ZYG11B: variants seen among roughly 807,000 people sequenced by gnomAD.
ZYG11B encodes protein zyg-11 homolog B.
Under a neutral mutation model 82.4 loss-of-function variants are expected in ZYG11B, and 36 were observed. The ratio of observed to expected loss-of-function variants is 0.44; its 90% CI spans 0.33 to 0.58. The LOEUF (loss-of-function observed/expected upper bound fraction) is 0.58. ZYG11B is among the 20% of genes least tolerant of loss of function. ZYG11B has a pLI of 0.02. For synonymous variants in ZYG11B, 303 were observed against 312.8 expected (o/e 0.97, Z 0.33); for missense variants, 552 against 895.6 (o/e 0.62, Z 4.90).
intron 4 of ZYG11B, 72 bp downstream of exon 4, chr1:52,780,065 G>T: frequency 2.7e-6 from 4 of 1,491,104 alleles, no homozygotes; most frequent in Non-Finnish European, 3.6e-6. Flanking sequence ...GAAGAAAATT[G>T]GTGAAAATTT....
intron 5 of ZYG11B, among the ~76,000 whole-genome samples, chr1:52,787,797 T>C (rs1217972327): frequency 3.1e-5 from 3 of 96,892 alleles, no homozygotes; most frequent in Non-Finnish European, 5.5e-5. Flanking sequence ...AACAACTCAA[T>C]TAAAAAAAAA....
At chr1:52,728,433 C>A (rs1644302856) in intron 1 of ZYG11B, among the ~76,000 whole-genome samples, 1 of 152,174 alleles carries the variant, frequency 6.6e-6, no homozygotes, top group Non-Finnish European at 1.5e-5. Context: ...ATTTGTAAAA[C>A]TTTTTGTAGA....
At chr1:52,787,350 G>A (rs1644922000) in intron 5 of ZYG11B, among the ~76,000 whole-genome samples, 1 of 152,094 alleles carries the variant, frequency 6.6e-6, no homozygotes, top group African/African-American at 2.4e-5. Flanking sequence ...AAAACTATAC[G>A]ACACATTATT....
chr1:52,743,402 T>TAA (rs71044414), intron 1 of ZYG11B, among the ~76,000 whole-genome samples: 15,486 of 68,642 alleles, frequency 0.23, 1,579 homozygotes, highest in Middle Eastern at 0.28. Context: ...CAATAAATAC[T>TAA]AAAAAAAAAA....
chr1:52,806,978 C>T (rs1186151148), intron 10 of ZYG11B, among the ~76,000 whole-genome samples: 2 of 151,934 alleles, frequency 1.3e-5, no homozygotes, highest in Admixed American at 6.6e-5. Context: ...AAGTGATTCT[C>T]CTGCCTCAGC....
At chr1:52,783,477 C>T (rs76193754) in intron 4 of ZYG11B, among the ~76,000 whole-genome samples, 3,993 of 151,824 alleles carry the variant, frequency 0.026, 138 homozygotes, top group East Asian at 0.17. Context: ...ATTTGTTTTA[C>T]AAAGGACCCC....
intron 2 of ZYG11B, among the ~76,000 whole-genome samples, chr1:52,765,466 C>T (rs2149934833): frequency 6.6e-6 from 1 of 152,086 alleles, no homozygotes; most frequent in East Asian, 1.9e-4. Context: ...CTCAGCCTCC[C>T]AATTACAGGA....
At chr1:52,773,628 T>TATATA (rs59444202) in intron 3 of ZYG11B, among the ~76,000 whole-genome samples, 3 of 13,174 alleles carry the variant, frequency 2.3e-4, no homozygotes, top group African/African-American at 3.6e-4. Flanking sequence ...TATATATATA[T>TATATA]TTTTTTTTTT....
chr1:52,747,302 T>G (rs1365782492), intron 1 of ZYG11B, among the ~76,000 whole-genome samples: 3 of 95,584 alleles, frequency 3.1e-5, no homozygotes, highest in African/African-American at 1.5e-4. Context: ...ATTTTTCACT[T>G]TTGATTTTTT....
At chr1:52,734,059 C>T (rs1049194901) in intron 1 of ZYG11B, among the ~76,000 whole-genome samples, 24 of 152,010 alleles carry the variant, frequency 1.6e-4, no homozygotes, top group Admixed American at 1.0e-3. Context: ...AGTGCAGGGG[C>T]GTAATCATAG....
chr1:52,783,847 TA>T lies in ZYG11B; in HGVS notation c.1093-1029del, dbSNP rs1238985603. Reference sequence around the variant, plus strand: ...GTATACATACGTGTGTATATGTACATACACGTGTGTGTGTATGTACATACAC... The same window carrying T: ...GTATACATACGTGTGTATATGTACATCACGTGTGTGTGTATGTACATACAC... On this transcript the variant is annotated intron_variant, in intron 4 of 13. Coordinates refer to ENST00000294353, the MANE Select transcript of ZYG11B (RefSeq NM_024646.3). Among the ~76,000 whole-genome samples, 49 of 144,438 alleles carry T rather than the reference TA, an allele frequency of 3.4e-4. 2 individuals carry two copies. Among genetic ancestry groups the T allele is most frequent in the African/African-American group, 1.2e-3 (43 of 35,034 alleles). The allele number at this position is 144,438 out of a possible 152,430, so 94.8% of individuals were successfully genotyped here. A position where few individuals can be genotyped will look rare whatever the true frequency, so the allele number is the denominator to read the frequency against.
chr1:52,819,726 C>G (rs1645265931), intron 13 of ZYG11B, among the ~76,000 whole-genome samples: 1 of 148,300 alleles, frequency 6.7e-6, no homozygotes, highest in Non-Finnish European at 1.5e-5. Flanking sequence ...GTGGAGGTTA[C>G]AGTGAGCCGA....
chr1:52,758,693 T>G (rs1397176964), intron 2 of ZYG11B, among the ~76,000 whole-genome samples: 1 of 152,196 alleles, frequency 6.6e-6, no homozygotes, highest in East Asian at 1.9e-4. Flanking sequence ...AGGCTGTAAC[T>G]GAGGCATTTT....
intron 3 of ZYG11B, among the ~76,000 whole-genome samples, chr1:52,776,771 A>G (rs1571770901): frequency 6.6e-6 from 1 of 152,260 alleles, no homozygotes; most frequent in East Asian, 1.9e-4. Context: ...CTGAATTTAT[A>G]AGAAAAAGTT....
chr1:52,803,263 TATAC>T lies in ZYG11B; in HGVS notation c.1695+1126_1695+1129del, dbSNP rs200262719. Among the ~76,000 whole-genome samples the T allele has an allele frequency of 7.8e-3, 631 of 80,444 alleles. 51 individuals carry two copies. Among genetic ancestry groups the T allele is most frequent in the African/African-American group, 0.026 (479 of 18,668 alleles). 52.8% of individuals were successfully genotyped at this position (80,444 alleles called of 152,430 possible). On this transcript the variant is annotated intron_variant, in intron 10 of 13. Transcript: ENST00000294353. ...ATACACACACACATATATATATATA[TATAC>T]ACACACACACACATATATATATATA... is the stretch of plus-strand genomic sequence containing the variant.
chr1:52,766,647 G>A lies in ZYG11B; in HGVS notation c.197-4373G>A, dbSNP rs77595362. On this transcript the variant is annotated intron_variant, in intron 2 of 13. Coordinates refer to ENST00000294353, the MANE Select transcript of ZYG11B (RefSeq NM_024646.3). ...TTCTGTTTTAGTTTGAGTCACTGAC[G>A]TCACTCCAGCAGTGGAAGGTAGGAG... Among the ~76,000 whole-genome samples the A allele has an allele frequency of 9.1e-4, 139 of 152,214 alleles. No individual in the cohort carries two copies. The East Asian group carries it at 0.016, about 18-fold the overall frequency.
At chr1:52,813,478 T>TCTTAAC (rs986371522) in intron 10 of ZYG11B, 58 bp from the exon 11 acceptor site, 33 of 1,345,270 alleles carry the variant, frequency 2.5e-5, no homozygotes, top group Non-Finnish European at 3.3e-5. Flanking sequence ...AAAACAGTTA[T>TCTTAAC]CTTAACCATT....
chr1:52,797,417 AT>A (rs1645032133), intron 8 of ZYG11B, among the ~76,000 whole-genome samples: 1 of 109,096 alleles, frequency 9.2e-6, no homozygotes, highest in African/African-American at 4.3e-5. Flanking sequence ...TATATCATAT[AT>A]TATACATATT....
intron 10 of ZYG11B, among the ~76,000 whole-genome samples, chr1:52,808,034 T>C (rs1200307038): frequency 3.3e-5 from 5 of 152,256 alleles, no homozygotes; most frequent in African/African-American, 4.8e-5. Flanking sequence ...TACTTATGTA[T>C]GTACACGTTC....
Sources: gnomAD v4.1 joint callset for allele counts (sites outside exome capture counted in the v4.1 genomes callset) on GRCh38, gnomAD v4.1.1 for gene constraint, MANE v1.5 for transcripts, NCBI Gene and HGNC (gene_info 2026-07-23, HGNC 2026-07-21) for gene names.